Variants in MDM1 observed in about 807,000 individuals in gnomAD.
MDM1 encodes the protein Mdm1 nuclear protein.
MDM1 carries 61 observed loss-of-function variants against 89.1 expected under a neutral mutation model. That is an observed-to-expected ratio of 0.68 (90% CI 0.56 to 0.85). The LOEUF (loss-of-function observed/expected upper bound fraction) is 0.85. MDM1 is among the 40% of genes least tolerant of loss of function. The pLI is 0.00. For missense variants in MDM1, 820 were observed against 846.5 expected, an observed-to-expected ratio of 0.97 and a Z score of 0.39; for synonymous variants, 290 against 294.1, an observed-to-expected ratio of 0.99 and a Z score of 0.14.
rs1414357436 is a variant in MDM1 at position 68,331,214 on chromosome 12, C to T, written c.26G>A (p.Ser9Asn). The change falls in exon 2 of 15, where the codon AGT becomes AAT. Residue 9 changes from serine to asparagine, a missense_variant. Physicochemically the swap from Ser to Asn is conservative, Grantham distance 46. Coordinates refer to ENST00000682720, the MANE Select transcript of MDM1 (RefSeq NM_001354969.2). MPVRFKGLSEYQRNFLWKK... is the reference protein window; with the variant it reads MPVRFKGLNEYQRNFLWKK... ...CCACAGGAAGTTCCTCTGGTATTCA[C>T]TCAGCCCCTGTAATGCAAAGTACAC... 1 of 1,566,572 alleles carries T rather than the reference C, an allele frequency of 6.4e-7. No homozygotes were observed. Among genetic ancestry groups the T allele is most frequent in the East Asian group, 2.2e-5 (1 of 44,756 alleles).
At chr12:68,298,414 T>A (rs1871698633) in intron 13 of MDM1, among the ~76,000 whole-genome samples, 1 of 152,110 alleles carries the variant, frequency 6.6e-6, no homozygotes, top group Non-Finnish European at 1.5e-5. Flanking sequence ...GTCTACCCCA[T>A]CACCCCAACA....
Position 68,323,355 on chromosome 12 carries a change from A to G in MDM1, c.634-115T>C, listed in dbSNP as rs1429086942. On this transcript the variant is annotated intron_variant, in intron 4 of 14. Coordinates refer to ENST00000682720, the MANE Select transcript of MDM1 (RefSeq NM_001354969.2). ...TACAGGACAAAAAAATAGCAAAGTTATATATGATTTTAATTTCATTTCACA... is the reference window on the plus strand; with the variant it reads ...TACAGGACAAAAAAATAGCAAAGTTGTATATGATTTTAATTTCATTTCACA... 6 of 687,416 alleles carry G rather than the reference A, an allele frequency of 8.7e-6. 2 individuals carry two copies. In the Admixed American group the frequency reaches 2.1e-4, roughly 24 times the overall value. 42.6% of individuals were successfully genotyped at this position (687,416 alleles called of 1,614,324 possible). A position where few individuals can be genotyped will look rare whatever the true frequency, so the allele number is the denominator to read the frequency against.
intron 13 of MDM1, among the ~76,000 whole-genome samples, chr12:68,297,554 G>C (rs556831377): frequency 6.6e-6 from 1 of 152,288 alleles, no homozygotes; most frequent in East Asian, 1.9e-4. Context: ...TGGAGTGAAG[G>C]GAAGACTGAA....
chr12:68,318,164 T>C (rs755732398), intron 7 of MDM1, among the ~76,000 whole-genome samples: 2 of 152,190 alleles, frequency 1.3e-5, no homozygotes, highest in Non-Finnish European at 2.9e-5. Context: ...TAAATTGTCA[T>C]AATATTGATG....
At chr12:68,326,324 G>A in intron 3 of MDM1, 1 of 1,372,744 alleles carries the variant, frequency 7.3e-7, no homozygotes, top group East Asian at 2.7e-5. Flanking sequence ...TCAGCACCCT[G>A]CCAGAAGTAA....
chr12:68,325,442 T>C lies in MDM1; in HGVS notation c.632A>G (p.Gln211Arg), dbSNP rs1875825554. The C allele has an allele frequency of 3.8e-6, 6 of 1,570,220 alleles. No individual in the cohort carries two copies. Among genetic ancestry groups the C allele is most frequent in the African/African-American group, 1.4e-5 (1 of 73,010 alleles). Reference sequence around the variant, plus strand: ...AATGTATTACATCCATTAAGCTACCTGATTGGCTGCAAAAGCTGGAGCAGT... The same window carrying C: ...AATGTATTACATCCATTAAGCTACCCGATTGGCTGCAAAAGCTGGAGCAGT... ...KETAPAFAAN[Q>R]VFHNKSQFVP... The change falls in exon 4 of 15, where the codon CAG becomes CGG. Residue 211 changes from glutamine to arginine, a missense_variant and splice_region_variant. Transcript: ENST00000682720.
Position 68,326,872 on chromosome 12 carries a change from G to T in MDM1, c.283C>A (p.Gln95Lys), listed in dbSNP as rs759236781. The change falls in exon 3 of 15, where the codon CAA becomes AAA. Residue 95 changes from glutamine to lysine, a missense_variant. Transcript: ENST00000682720. ...EPEAPETPKSQEAEQKDVTQE... is the reference protein window; with the variant it reads ...EPEAPETPKSKEAEQKDVTQE... ...GTAACATCCTTTTGTTCTGCTTCTT[G>T]TGATTTTGGTGTTTCCGGGGCTTCT... 10 of 1,613,814 alleles carry T rather than the reference G, an allele frequency of 6.2e-6. No homozygotes were observed. Among genetic ancestry groups the T allele is most frequent in the Non-Finnish European group, 8.5e-6 (10 of 1,179,896 alleles).
At chr12:68,319,919 T>C (rs1874993172) in intron 7 of MDM1, among the ~76,000 whole-genome samples, 1 of 152,232 alleles carries the variant, frequency 6.6e-6, no homozygotes, top group East Asian at 1.9e-4. Context: ...AACAATCTTC[T>C]CAATTAGATG....
At chr12:68,329,636 A>T (rs988375756) in intron 2 of MDM1, among the ~76,000 whole-genome samples, 1 of 152,256 alleles carries the variant, frequency 6.6e-6, no homozygotes, top group Non-Finnish European at 1.5e-5. Flanking sequence ...AGGCTAATTC[A>T]TTCATTCAAA....
At chr12:68,332,161 G>C in intron 1 of MDM1, 67 bp downstream of exon 1, 1 of 1,504,720 alleles carries the variant, frequency 6.6e-7, no homozygotes, top group Non-Finnish European at 8.9e-7. Flanking sequence ...GCGTGACCTC[G>C]GCGCTCCACA....
chr12:68,314,882 A>G, intron 10 of MDM1, 66 bp downstream of exon 10: 1 of 1,308,982 alleles, frequency 7.6e-7, no homozygotes, highest in Non-Finnish European at 1.1e-6. Context: ...CACTATATTT[A>G]GTGACAAAAT....
At chr12:68,328,576 T>C (rs1466082099) in intron 2 of MDM1, among the ~76,000 whole-genome samples, 2 of 152,138 alleles carry the variant, frequency 1.3e-5, no homozygotes, top group Admixed American at 6.5e-5. Context: ...TTATAAAAAA[T>C]AGCAATTTAG....
chr12:68,304,396 T>C (rs1461754855), intron 12 of MDM1, among the ~76,000 whole-genome samples: 1 of 152,254 alleles, frequency 6.6e-6, no homozygotes, highest in East Asian at 1.9e-4. Flanking sequence ...AAAACATTGC[T>C]TTCTAAACTT....
intron 12 of MDM1, among the ~76,000 whole-genome samples, chr12:68,306,398 A>G (rs995155978): frequency 2.0e-5 from 3 of 152,200 alleles, no homozygotes; most frequent in Non-Finnish European, 4.4e-5. Context: ...AAATGTAACA[A>G]AAACAAATTG....
At chr12:68,318,876 A>T (rs1038577923) in intron 7 of MDM1, among the ~76,000 whole-genome samples, 3 of 152,218 alleles carry the variant, frequency 2.0e-5, no homozygotes, top group African/African-American at 7.2e-5. Context: ...CATATGCAGA[A>T]AATTCAAACT....
At chr12:68,322,242 G>A (rs1332497561) in intron 5 of MDM1, among the ~76,000 whole-genome samples, 1 of 152,176 alleles carries the variant, frequency 6.6e-6, no homozygotes, top group Non-Finnish European at 1.5e-5. Context: ...CAAATTAAAT[G>A]GCTGTAATAT....
intron 12 of MDM1, among the ~76,000 whole-genome samples, chr12:68,309,550 G>A (rs1030746874): frequency 1.3e-5 from 2 of 152,048 alleles, no homozygotes; most frequent in African/African-American, 2.4e-5. Flanking sequence ...CATTATCATT[G>A]CCATAGCATG....
chr12:68,307,790 T>TA lies in MDM1; in HGVS notation c.1750-4919dup, dbSNP rs1873105177. Among the ~76,000 whole-genome samples, 2 of 151,558 alleles carry TA rather than the reference T, an allele frequency of 1.3e-5. 1 individual carries two copies. The highest frequency in any genetic ancestry group is 4.2e-4 in the South Asian group (2 of 4,798). ...ACATCTCTACTAAAAATACAAAAAT[T>TA]AGTCAGATGTGGCCACAGGTGGCTA... On this transcript the variant is annotated intron_variant, in intron 12 of 14. Transcript: ENST00000682720.
chr12:68,297,863 A>G (rs1409400145), intron 13 of MDM1, among the ~76,000 whole-genome samples: 1 of 152,226 alleles, frequency 6.6e-6, no homozygotes, highest in Non-Finnish European at 1.5e-5. Flanking sequence ...AATTCTTAGA[A>G]ATTAAAAAGA....
Sources: gnomAD v4.1 joint callset for allele counts (sites outside exome capture counted in the v4.1 genomes callset) on GRCh38, gnomAD v4.1.1 for gene constraint, MANE v1.5 for transcripts, NCBI Gene and HGNC (gene_info 2026-07-23, HGNC 2026-07-21) for gene names.